The following RASA3 variants were observed in gnomAD, a reference collection of about 807,000 sequenced individuals.
RASA3 encodes RAS p21 protein activator 3.
In RASA3, 73 loss-of-function variants were observed where a neutral mutation model predicts 110.0. The observed-to-expected ratio is 0.66, with a 90% CI of 0.55 to 0.81. RASA3 has a LOEUF of 0.81. RASA3 is among the 30% of genes least tolerant of loss of function. RASA3 has a pLI of 0.00. For missense variants in RASA3, 976 were observed against 1,113.2 expected (o/e 0.88, Z 1.75); for synonymous variants, 500 against 451.4 (o/e 1.11, Z -1.37).
intron 1 of RASA3, among the ~76,000 whole-genome samples, chr13:114,116,074 G>A (rs74116486): frequency 0.011 from 1,688 of 152,294 alleles, 35 homozygotes; most frequent in African/African-American, 0.038. Flanking sequence ...TGGCAGCAGC[G>A]CAGGGGCGGA....
chr13:114,038,765 G>C (rs543252088), intron 4 of RASA3, among the ~76,000 whole-genome samples: 2 of 152,190 alleles, frequency 1.3e-5, no homozygotes, highest in East Asian at 3.9e-4. Flanking sequence ...GAGGGTTCCA[G>C]GAGGATGAGG....
chr13:114,046,520 T>C (rs936559396), intron 3 of RASA3, among the ~76,000 whole-genome samples: 1 of 152,240 alleles, frequency 6.6e-6, no homozygotes, highest in Non-Finnish European at 1.5e-5. Context: ...ATTAAAAGAT[T>C]ATGCAGACAT....
At chr13:114,068,934 C>T (rs1371206066) in intron 2 of RASA3, among the ~76,000 whole-genome samples, 2 of 152,328 alleles carry the variant, frequency 1.3e-5, no homozygotes, top group Non-Finnish European at 2.9e-5. Flanking sequence ...TGCCCTTCAA[C>T]CTCCACCTTG....
intron 1 of RASA3, 127 bp from the exon 2 acceptor site, chr13:114,073,964 GCCA>G (rs775568531): frequency 1.5e-5 from 12 of 827,324 alleles, no homozygotes; most frequent in Non-Finnish European, 1.8e-5. Flanking sequence ...TGGTTTTTTT[GCCA>G]CCACAAGTCA....
intron 21 of RASA3, among the ~76,000 whole-genome samples, chr13:113,995,777 G>GA (rs2053227864): frequency 5.7e-5 from 3 of 52,448 alleles, no homozygotes; most frequent in Non-Finnish European, 9.9e-5. Flanking sequence ...CTGACGGGGG[G>GA]CCCGGCTGAC....
chr13:114,027,300 G>C (rs1308136016), intron 7 of RASA3, 89 bp downstream of exon 7: 11 of 1,140,516 alleles, frequency 9.6e-6, no homozygotes, highest in Admixed American at 4.0e-5. Context: ...CCAGAGGGAA[G>C]AGACTGAGAT....
chr13:113,999,368 C>T (rs985321390), intron 20 of RASA3, among the ~76,000 whole-genome samples: 4 of 152,112 alleles, frequency 2.6e-5, no homozygotes, highest in African/African-American at 7.2e-5. Context: ...CACCCCACCC[C>T]GGTGACCCCG....
At chr13:114,095,896 AAGTT>A (rs1467669568) in intron 1 of RASA3, among the ~76,000 whole-genome samples, 1 of 152,214 alleles carries the variant, frequency 6.6e-6, no homozygotes, top group Non-Finnish European at 1.5e-5. Flanking sequence ...AATCCAGTAA[AAGTT>A]AAGCTATTGT....
At chr13:114,050,461 C>T (rs866865221) in intron 3 of RASA3, among the ~76,000 whole-genome samples, 1 of 152,232 alleles carries the variant, frequency 6.6e-6, no homozygotes, top group African/African-American at 2.4e-5. Flanking sequence ...CTATGAAAAA[C>T]ACAGCAGTTT....
At chr13:114,046,427 G>C (rs2079054005) in intron 3 of RASA3, among the ~76,000 whole-genome samples, 2 of 152,230 alleles carry the variant, frequency 1.3e-5, no homozygotes, top group Admixed American at 1.3e-4. Flanking sequence ...TGCAGAGAAG[G>C]GTTCCCCATA....
intron 2 of RASA3, among the ~76,000 whole-genome samples, chr13:114,053,342 C>A (rs1220829182): frequency 6.6e-6 from 1 of 152,240 alleles, no homozygotes; most frequent in Non-Finnish European, 1.5e-5. Flanking sequence ...ATTCAGCAAA[C>A]CTTCCTGTTG....
At chr13:114,113,017 A>G (rs2080238421) in intron 1 of RASA3, among the ~76,000 whole-genome samples, 1 of 152,228 alleles carries the variant, frequency 6.6e-6, no homozygotes, top group East Asian at 1.9e-4. Flanking sequence ...AGGACTCCAG[A>G]GCCCGTGGAG....
rs11552972 is a variant in RASA3 at position 113,978,728 on chromosome 13, A to G, written c.*619T>C. The G allele has an allele frequency of 0.3, 45,809 of 153,024 alleles. 7,606 individuals carry two copies. The highest frequency in any genetic ancestry group is 0.37 in the Non-Finnish European group (25,317 of 68,686). 9.5% of individuals were successfully genotyped at this position (153,024 alleles called of 1,614,324 possible). A position where few individuals can be genotyped will look rare whatever the true frequency, so the allele number is the denominator to read the frequency against. On this transcript the variant is annotated 3_prime_UTR_variant, in exon 24 of 24. Transcript: ENST00000334062. ...ATCCTCAGACTGGGACTTCTGTGTA[A>G]TTCTGCACCTCCCAGCCATAAAACT...
chr13:114,040,244 C>T (rs933627453), intron 4 of RASA3, among the ~76,000 whole-genome samples: 6 of 152,114 alleles, frequency 3.9e-5, no homozygotes, highest in Non-Finnish European at 5.9e-5. Flanking sequence ...ACAGAGCCTG[C>T]GCTCACTCCG....
At chr13:114,005,019 C>T (rs779723104) in intron 18 of RASA3, among the ~76,000 whole-genome samples, 7 of 152,118 alleles carry the variant, frequency 4.6e-5, no homozygotes, top group Non-Finnish European at 7.4e-5. Context: ...GACTCAGAGA[C>T]GAAAAGCCAA....
chr13:114,076,632 G>A (rs2079689124), intron 1 of RASA3, among the ~76,000 whole-genome samples: 1 of 152,230 alleles, frequency 6.6e-6, no homozygotes, highest in Admixed American at 6.5e-5. Context: ...CAGGCACGAA[G>A]GGGAGAACAT....
At chr13:114,026,269 C>CG (rs2054023922) in intron 7 of RASA3, among the ~76,000 whole-genome samples, 1 of 152,274 alleles carries the variant, frequency 6.6e-6, no homozygotes, top group South Asian at 2.1e-4. Flanking sequence ...GCAGCCGAGG[C>CG]GGGGGGAGCT....
intron 2 of RASA3, among the ~76,000 whole-genome samples, chr13:114,062,631 C>T (rs2079376860): frequency 6.6e-6 from 1 of 150,888 alleles, no homozygotes; most frequent in South Asian, 2.1e-4. Context: ...TCACAGCCCA[C>T]GTCCGCATGC....
intron 1 of RASA3, among the ~76,000 whole-genome samples, chr13:114,118,434 G>A (rs777820871): frequency 6.6e-6 from 1 of 152,126 alleles, no homozygotes; most frequent in Non-Finnish European, 1.5e-5. Flanking sequence ...TTGCCTTGCC[G>A]TTGTTGCCTT....
Sources: allele counts gnomAD v4.1 joint callset (sites outside exome capture counted in the v4.1 genomes callset), GRCh38; gene constraint gnomAD v4.1.1; transcripts MANE v1.5; gene names NCBI Gene and HGNC (gene_info 2026-07-23, HGNC 2026-07-21).